Variants in FOXN3 observed in about 807,000 individuals in gnomAD.
FOXN3 encodes forkhead box protein N3.
FOXN3 carries 7 observed loss-of-function variants against 38.4 expected under a neutral mutation model. The observed-to-expected ratio is 0.18, with a 90% CI of 0.10 to 0.34. The LOEUF is 0.34. Ranked by LOEUF, FOXN3 falls within the 10% of genes least tolerant of loss-of-function variation. The pLI, the probability that FOXN3 is intolerant of heterozygous loss-of-function variation, is 1.00. For missense variants in FOXN3, 456 were observed against 613.4 expected (o/e 0.74, Z 2.71); for synonymous variants, 230 against 242.2 (o/e 0.95, Z 0.47).
At chr14:89,377,203 C>T (rs1890509086) in intron 2 of FOXN3, among the ~76,000 whole-genome samples, 1 of 151,400 alleles carries the variant, frequency 6.6e-6, no homozygotes, top group Non-Finnish European at 1.5e-5. Flanking sequence ...GAAAAAAAGT[C>T]GGTGTCATCA....
chr14:89,279,309 G>A (rs780035526), intron 4 of FOXN3, among the ~76,000 whole-genome samples: 5 of 152,102 alleles, frequency 3.3e-5, no homozygotes, highest in African/African-American at 4.8e-5. Context: ...GTCTACACCC[G>A]CAGGATAATC....
At chr14:89,354,797 G>C (rs983303249) in intron 2 of FOXN3, among the ~76,000 whole-genome samples, 1 of 151,806 alleles carries the variant, frequency 6.6e-6, no homozygotes, top group African/African-American at 2.4e-5. Flanking sequence ...AGAGGTTGCA[G>C]TGAGCTGAGA....
intron 5 of FOXN3, among the ~76,000 whole-genome samples, chr14:89,166,679 G>T (rs1477478641): frequency 6.6e-6 from 1 of 152,236 alleles, no homozygotes; most frequent in East Asian, 1.9e-4. Flanking sequence ...TTCAGGGAGT[G>T]AGAATTAAAA....
intron 1 of FOXN3, among the ~76,000 whole-genome samples, chr14:89,429,254 G>C (rs888844704): frequency 1.3e-5 from 2 of 152,176 alleles, no homozygotes; most frequent in African/African-American, 4.8e-5. Flanking sequence ...GCTGTAGCAA[G>C]TTTCTTTACC....
chr14:89,598,067 G>A (rs1220398665), intron 1 of FOXN3, among the ~76,000 whole-genome samples: 1 of 151,234 alleles, frequency 6.6e-6, no homozygotes, highest in Admixed American at 6.6e-5. Context: ...TATACATTCT[G>A]TCATCATTCT....
chr14:89,530,607 T>C (rs1233027882), intron 1 of FOXN3, among the ~76,000 whole-genome samples: 1 of 151,920 alleles, frequency 6.6e-6, no homozygotes, highest in Admixed American at 6.6e-5. Context: ...TATATTTTAT[T>C]TTATTTTATT....
chr14:89,543,331 C>A (rs762619170), intron 1 of FOXN3, among the ~76,000 whole-genome samples: 11 of 152,092 alleles, frequency 7.2e-5, no homozygotes, highest in South Asian at 2.1e-4. Context: ...CAAGGAGGCA[C>A]AAGACTGACC....
chr14:89,507,135 A>G lies in FOXN3; in HGVS notation c.-14-94645T>C, dbSNP rs1353886375. Among the ~76,000 whole-genome samples, 619 of 131,902 alleles carry G rather than the reference A, an allele frequency of 4.7e-3. 2 individuals are homozygous for G. Among genetic ancestry groups the G allele is most frequent in the African/African-American group, 0.011 (420 of 37,758 alleles). The allele number at this position is 131,902 out of a possible 152,430, so 86.5% of individuals were successfully genotyped here. On this transcript the variant is annotated intron_variant, in intron 1 of 6. Coordinates refer to the FOXN3 transcript ENST00000345097. Reference sequence around the variant, plus strand: ...AAGAATGATCAATAAAAAAAAAAAGAAAAAAAAAAAAAGAAACACTGTCCC... The same window carrying G: ...AAGAATGATCAATAAAAAAAAAAAGGAAAAAAAAAAAAGAAACACTGTCCC...
intron 1 of FOXN3, among the ~76,000 whole-genome samples, chr14:89,430,229 ACT>A (rs372106616): frequency 6.1e-4 from 92 of 152,030 alleles, no homozygotes; most frequent in African/African-American, 2.0e-3. Context: ...AGCTTTTTCC[ACT>A]CTTTGAGAGG....
chr14:89,343,047 G>C (rs1428172944), intron 3 of FOXN3, among the ~76,000 whole-genome samples: 1 of 152,166 alleles, frequency 6.6e-6, no homozygotes, highest in Non-Finnish European at 1.5e-5. Context: ...TTCAATGTAA[G>C]TTAAAACTGA....
At chr14:89,612,849 G>A (rs544787960) in intron 1 of FOXN3, among the ~76,000 whole-genome samples, 1 of 151,846 alleles carries the variant, frequency 6.6e-6, no homozygotes, top group South Asian at 2.1e-4. Context: ...TCCGGACACG[G>A]TGGCTCACGC....
chr14:89,197,309 C>T (rs1034192875), intron 4 of FOXN3, among the ~76,000 whole-genome samples: 1 of 152,094 alleles, frequency 6.6e-6, no homozygotes, highest in African/African-American at 2.4e-5. Context: ...GAGTTCAAGA[C>T]CAGCCTGGCC....
intron 1 of FOXN3, among the ~76,000 whole-genome samples, chr14:89,539,255 G>C (rs977109875): frequency 2.6e-5 from 4 of 152,110 alleles, no homozygotes; most frequent in African/African-American, 7.2e-5. Flanking sequence ...AGATAAAAAG[G>C]TTATGTAGTC....
At position 89,293,222 on chromosome 14, in the gene FOXN3, G is replaced by A. The variant is rs188392873; in HGVS notation, c.681-12208C>T. 3.6e-3 allele frequency among the ~76,000 whole-genome samples: 544 copies of A among 152,306 alleles called. 4 individuals carry two copies. The highest frequency in any genetic ancestry group is 5.8e-3 in the Non-Finnish European group (392 of 68,026). ...TCAGCTGCCCCTAGCTCCCACATCC[G>A]CTCAAACCAGAAGGCAGCTTCCCCC... is the stretch of plus-strand genomic sequence containing the variant. On this transcript the variant is annotated intron_variant, in intron 3 of 5. Transcript: ENST00000557258.
intron 3 of FOXN3, among the ~76,000 whole-genome samples, chr14:89,317,803 G>A (rs935909091): frequency 1.7e-4 from 26 of 151,770 alleles, no homozygotes; most frequent in Non-Finnish European, 3.5e-4. Flanking sequence ...AGCGGCAGGC[G>A]AGCAGGCATT....
At chr14:89,603,537 G>T (rs149338781) in intron 1 of FOXN3, among the ~76,000 whole-genome samples, 1 of 152,108 alleles carries the variant, frequency 6.6e-6, no homozygotes, top group African/African-American at 2.4e-5. Flanking sequence ...TTGGCCAAAG[G>T]CATTCATGTG....
intron 1 of FOXN3, among the ~76,000 whole-genome samples, chr14:89,437,580 A>T (rs1000905486): frequency 6.6e-6 from 1 of 152,188 alleles, no homozygotes; most frequent in Non-Finnish European, 1.5e-5. Flanking sequence ...ATTGACTGCT[A>T]TACTCCCACC....
chr14:89,235,034 T>C (rs1884940198), intron 4 of FOXN3, among the ~76,000 whole-genome samples: 1 of 152,200 alleles, frequency 6.6e-6, no homozygotes. Context: ...CTCGTAACTT[T>C]ATGCCTTGAA....
intron 4 of FOXN3, among the ~76,000 whole-genome samples, chr14:89,214,075 T>C (rs1244673227): frequency 6.6e-6 from 1 of 152,226 alleles, no homozygotes; most frequent in East Asian, 1.9e-4. Flanking sequence ...TTCCCAAAGA[T>C]GAACAAATAA....
Sources: gnomAD v4.1 joint callset for allele counts (sites outside exome capture counted in the v4.1 genomes callset) on GRCh38, gnomAD v4.1.1 for gene constraint, MANE v1.5 for transcripts, NCBI Gene and HGNC (gene_info 2026-07-23, HGNC 2026-07-21) for gene names.